Variants in UNC45A observed in about 807,000 individuals in gnomAD.
UNC45A encodes the protein unc-45 myosin chaperone A, also known as protein unc-45 homolog A.
Under a neutral mutation model 103.2 loss-of-function variants are expected in UNC45A, and 78 were observed. That is an observed-to-expected ratio of 0.76 (90% CI 0.63 to 0.91). The LOEUF is 0.91. UNC45A is among the 40% of genes least tolerant of loss of function. UNC45A has a pLI of 0.00. For missense variants in UNC45A, 1,193 were observed against 1,224.8 expected (o/e 0.97, Z 0.39); for synonymous variants, 495 against 504.6 (o/e 0.98, Z 0.25).
intron 12 of UNC45A, 55 bp downstream of exon 12, chr15:90,948,338 A>T: frequency 6.2e-7 from 1 of 1,600,962 alleles, no homozygotes; most frequent in Non-Finnish European, 8.5e-7. Context: ...ATTAGACCTT[A>T]CCAGGCTTTC....
Position 90,943,030 on chromosome 15 carries a change from G to A in UNC45A, c.975G>A (p.Arg325=), listed in dbSNP as rs2036374106. 1 of 1,614,168 alleles carries A rather than the reference G, an allele frequency of 6.2e-7. No individual in the cohort carries two copies. Among genetic ancestry groups the A allele is most frequent in the Non-Finnish European group, 8.5e-7 (1 of 1,180,012 alleles). The part of the protein sequence containing the change: ...ALTLLIKAVP[R]KSLKDPNNSL... ...CCCTCCTGATTAAAGCGGTGCCCCG[G>A]AAGTCTCTCAAGGACCCCAACAACA... The change falls in exon 8 of 20, where the codon CGG becomes CGA. Residue 325 remains arginine, a synonymous_variant. Transcript: ENST00000418476.
In UNC45A at chr15:90,948,544, A is replaced by G. The variant is rs1278706631; in HGVS notation, c.1738-110A>G. 1.6e-5 allele frequency: 24 copies of G among 1,513,010 alleles called. No individual in the cohort carries two copies. The South Asian group carries it at 2.8e-4, about 18-fold the overall frequency. 93.7% of individuals were successfully genotyped at this position (1,513,010 alleles called of 1,614,324 possible). On this transcript the variant is annotated intron_variant, in intron 12 of 19. Transcript: ENST00000418476. ...TGGGAGTTTCCCGAATTCATCCTGT[A>G]CCCAAGGGTCCCAGCTGAGGGTGGA...
chr15:90,935,267 C>A, upstream of UNC45A: 1 of 1,535,172 alleles, frequency 6.5e-7, no homozygotes, highest in Non-Finnish European at 8.8e-7. Context: ...CGTCCCGAAC[C>A]CAGACTCGCC....
At position 90,949,462 on chromosome 15, in the gene UNC45A, G is replaced by C; in HGVS notation, c.2006+19G>C. 1 of 1,612,718 alleles carries C rather than the reference G, an allele frequency of 6.2e-7. No individual in the cohort carries two copies. Among genetic ancestry groups the C allele is most frequent in the South Asian group, 1.1e-5 (1 of 91,046 alleles). On this transcript the variant is annotated intron_variant, in intron 14 of 19. Coordinates refer to ENST00000418476, the MANE Select transcript of UNC45A (RefSeq NM_018671.5). Reference sequence around the variant, plus strand: ...TCTCCAGGTGAGCCAGCCTTGGTAGGAGCCAACCTTTCCCAACTCCTGAGC... The same window carrying C: ...TCTCCAGGTGAGCCAGCCTTGGTAGCAGCCAACCTTTCCCAACTCCTGAGC...
Position 90,953,875 on chromosome 15 carries a change from C to T in UNC45A, c.*159C>T. 2 of 1,045,196 alleles carry T rather than the reference C, an allele frequency of 1.9e-6. No homozygotes were observed. The highest frequency in any genetic ancestry group is 1.4e-6 in the Non-Finnish European group (1 of 732,102). 64.7% of individuals were successfully genotyped at this position (1,045,196 alleles called of 1,614,324 possible). A position where few individuals can be genotyped will look rare whatever the true frequency, so the allele number is the denominator to read the frequency against. ...ATGTCCTCTGTTCTGAGTCAGCGGC[C>T]ACGTTCAGTCACACAGCCCTGCTTG... On this transcript the variant is annotated 3_prime_UTR_variant, in exon 20 of 20. Transcript: ENST00000418476.
chr15:90,944,834 C>CT, intron 8 of UNC45A, 58 bp from the exon 9 acceptor site: 4 of 1,556,696 alleles, frequency 2.6e-6, no homozygotes, highest in Non-Finnish European at 3.5e-6. Context: ...AAGCCTGTTT[C>CT]TTTTACTTGT....
chr15:90,944,769 A>G, intron 8 of UNC45A, 123 bp from the exon 9 acceptor site: 1 of 1,192,028 alleles, frequency 8.4e-7, no homozygotes, highest in Non-Finnish European at 1.2e-6. Flanking sequence ...TGCCCTGGAC[A>G]CAGTTGTCAG....
chr15:90,946,282 A>T (rs2036565487), intron 9 of UNC45A, among the ~76,000 whole-genome samples: 1 of 151,718 alleles, frequency 6.6e-6, no homozygotes, highest in South Asian at 2.1e-4. Context: ...GAAAGAAAAA[A>T]AATTAAAGGA....
intron 11 of UNC45A, 62 bp downstream of exon 11, chr15:90,947,952 C>A: frequency 6.7e-7 from 1 of 1,503,644 alleles, no homozygotes; most frequent in Non-Finnish European, 9.0e-7. Context: ...ACACAGGGGT[C>A]TGGGTGGGGG....
At position 90,948,736 on chromosome 15, in the gene UNC45A, C is replaced by T. The variant is rs144614906; in HGVS notation, c.1820C>T (p.Pro607Leu). 8 of 1,613,790 alleles carry T rather than the reference C, an allele frequency of 5.0e-6. No homozygotes were observed. The African/African-American group carries it at 6.7e-5, about 13-fold the overall frequency. The change falls in exon 13 of 20, where the codon CCC (proline) becomes CTC (leucine). Residue 607 changes from proline (P) to leucine (L), a missense_variant. Transcript: ENST00000418476. ...TNSYDYEEPD[P>L]KMVELAKYAK... The stretch of plus-strand genomic sequence containing the variant: ...AGCTATGACTACGAGGAGCCCGACC[C>T]CAAGATGGTGGAGCTGGCCAAGTAT...
At chr15:90,933,881 C>T (rs2035890312), upstream of UNC45A, 1 of 395,084 alleles carries the variant, frequency 2.5e-6, no homozygotes, top group Non-Finnish European at 4.5e-6. Context: ...TCCCTGTCAT[C>T]TCTCTCTAAA....
upstream of UNC45A, chr15:90,932,771 G>A (rs916154285): frequency 7.7e-6 from 3 of 391,618 alleles, no homozygotes; most frequent in Non-Finnish European, 1.4e-5. Flanking sequence ...GGGGGTGCAA[G>A]AAGAACATAA....
Position 90,938,574 on chromosome 15 carries a change from G to T in UNC45A, c.427-1157G>T, listed in dbSNP as rs1053239983. ...TGCCATGGATGCAAGAGAGGAAGGC[G>T]GGTGGTCCACATGCTAGGCTTGTGC... On this transcript the variant is annotated intron_variant, in intron 4 of 19. Transcript: ENST00000418476. 5.9e-5 allele frequency among the ~76,000 whole-genome samples: 9 copies of T among 152,094 alleles called. 1 individual carries two copies. The highest frequency in any genetic ancestry group is 1.9e-4 in the African/African-American group (8 of 41,406).
At chr15:90,945,309 T>C (rs1457133536) in intron 9 of UNC45A, among the ~76,000 whole-genome samples, 1 of 152,144 alleles carries the variant, frequency 6.6e-6, no homozygotes. Flanking sequence ...ACGTACTGGG[T>C]TTACCAAACA....
intron 17 of UNC45A, 97 bp downstream of exon 17, chr15:90,950,712 G>A: frequency 1.6e-6 from 2 of 1,268,032 alleles, no homozygotes; most frequent in East Asian, 2.5e-5. Context: ...CTTGGTCATG[G>A]GCTTCTGTGA....
chr15:90,939,690 C>A, intron 4 of UNC45A, 41 bp from the exon 5 acceptor site: 1 of 1,607,438 alleles, frequency 6.2e-7, no homozygotes, highest in South Asian at 1.1e-5. Context: ...TGTCTCTGGC[C>A]AAGAGCCGTG....
At chr15:90,940,544 C>G in intron 6 of UNC45A, 71 bp downstream of exon 6, 1 of 1,534,994 alleles carries the variant, frequency 6.5e-7, no homozygotes, top group South Asian at 1.2e-5. Flanking sequence ...CCTCCATCCA[C>G]CCATCTGTCC....
intron 8 of UNC45A, among the ~76,000 whole-genome samples, chr15:90,944,422 G>A (rs2036456837): frequency 6.6e-6 from 1 of 152,104 alleles, no homozygotes; most frequent in African/African-American, 2.4e-5. Flanking sequence ...CTTTGCAAAG[G>A]CCTTGCATGA....
rs200876300 is a variant in UNC45A at position 90,935,357 on chromosome 15, C to T, written c.33C>T (p.Pro11=). MTVSGPGTPE[P]RPATPGASSV... ...TGAGTGGTCCAGGGACCCCCGAGCCCCGGCCGGCCACCCCCGGGGTGCGTA... is the reference window on the plus strand; with the variant it reads ...TGAGTGGTCCAGGGACCCCCGAGCCTCGGCCGGCCACCCCCGGGGTGCGTA... The change falls in exon 1 of 20, where the codon CCC becomes CCT. Residue 11 remains proline (P), a synonymous_variant. Coordinates refer to ENST00000418476, the MANE Select transcript of UNC45A (RefSeq NM_018671.5). The T allele has an allele frequency of 1.2e-6, 2 of 1,603,952 alleles. No homozygotes were observed. Among genetic ancestry groups the T allele is most frequent in the East Asian group, 4.5e-5 (2 of 44,416 alleles).
Sources: allele counts gnomAD v4.1 joint callset (sites outside exome capture counted in the v4.1 genomes callset), GRCh38; gene constraint gnomAD v4.1.1; transcripts MANE v1.5; gene names NCBI Gene and HGNC (gene_info 2026-07-23, HGNC 2026-07-21).